The following ZFPM2 variants were observed in gnomAD, a reference collection of about 807,000 sequenced individuals.
ZFPM2 encodes zinc finger protein, FOG family member 2.
ZFPM2 carries 20 observed loss-of-function variants against 98.6 expected under a neutral mutation model. The observed-to-expected ratio is 0.20, with a 90% CI of 0.14 to 0.29. ZFPM2 has a LOEUF of 0.29. Among genes scored for constraint, ZFPM2 ranks in the 10% least tolerant of loss-of-function variants. The pLI is 1.00. For missense variants in ZFPM2, 1,310 were observed against 1,388.6 expected (o/e 0.94, Z 0.90); for synonymous variants, 518 against 502.7 (o/e 1.03, Z -0.41).
intron 5 of ZFPM2, among the ~76,000 whole-genome samples, chr8:105,665,946 C>G (rs1817480369): frequency 6.6e-6 from 1 of 152,054 alleles, no homozygotes; most frequent in South Asian, 2.1e-4. Flanking sequence ...CACAACAGAA[C>G]AATATGAACC....
intron 5 of ZFPM2, among the ~76,000 whole-genome samples, chr8:105,784,406 T>A (rs1431966311): frequency 7.5e-6 from 1 of 132,718 alleles, no homozygotes; most frequent in Non-Finnish European, 1.5e-5. Context: ...TCCAGTGAAG[T>A]GTAGACAGAT....
chr8:105,510,966 T>C (rs1179026663), intron 3 of ZFPM2, among the ~76,000 whole-genome samples: 1 of 152,230 alleles, frequency 6.6e-6, no homozygotes, highest in African/African-American at 2.4e-5. Flanking sequence ...AGTGCTTGGG[T>C]ATCTGTGGTC....
chr8:105,334,837 C>T (rs1195623557), intron 1 of ZFPM2, among the ~76,000 whole-genome samples: 1 of 151,442 alleles, frequency 6.6e-6, no homozygotes, highest in East Asian at 1.9e-4. Context: ...CTTTTTCGTA[C>T]CTTATTAAGG....
At chr8:105,506,008 A>T (rs1813691243) in intron 3 of ZFPM2, among the ~76,000 whole-genome samples, 1 of 152,206 alleles carries the variant, frequency 6.6e-6, no homozygotes, top group African/African-American at 2.4e-5. Flanking sequence ...ATGAAGAAGC[A>T]AAAACAGTGC....
At chr8:105,735,165 A>G (rs1020641242) in intron 5 of ZFPM2, among the ~76,000 whole-genome samples, 5 of 148,930 alleles carry the variant, frequency 3.4e-5, no homozygotes, top group African/African-American at 1.2e-4. Context: ...ATCTATATAG[A>G]TCTATATAGA....
chr8:105,400,213 T>A (rs1811310369), intron 1 of ZFPM2, among the ~76,000 whole-genome samples: 1 of 152,106 alleles, frequency 6.6e-6, no homozygotes, highest in African/African-American at 2.4e-5. Context: ...GTTATTATTT[T>A]GTGTTTAATT....
chr8:105,330,002 C>G (rs1177003666), intron 1 of ZFPM2, among the ~76,000 whole-genome samples: 1 of 151,572 alleles, frequency 6.6e-6, no homozygotes, highest in Non-Finnish European at 1.5e-5. Flanking sequence ...TTGTAGAACA[C>G]TTCTGAGTTT....
chr8:105,589,096 AC>A (rs1201470944), intron 4 of ZFPM2, among the ~76,000 whole-genome samples: 5 of 152,128 alleles, frequency 3.3e-5, no homozygotes, highest in Non-Finnish European at 7.4e-5. Flanking sequence ...GGTGAGAGAA[AC>A]CCTAGTAGTT....
At chr8:105,641,020 C>T (rs565389024) in intron 5 of ZFPM2, among the ~76,000 whole-genome samples, 8 of 152,016 alleles carry the variant, frequency 5.3e-5, no homozygotes, top group Non-Finnish European at 7.4e-5. Flanking sequence ...GTTAGCTAGT[C>T]GCAGAATTCC....
chr8:105,734,139 A>T (rs1251595878), intron 5 of ZFPM2, among the ~76,000 whole-genome samples: 1 of 151,824 alleles, frequency 6.6e-6, no homozygotes, highest in Non-Finnish European at 1.5e-5. Context: ...GCTTCCATAG[A>T]CTTGTGTTTA....
At chr8:105,453,266 A>G (rs982293535) in intron 3 of ZFPM2, among the ~76,000 whole-genome samples, 1 of 152,210 alleles carries the variant, frequency 6.6e-6, no homozygotes, top group Non-Finnish European at 1.5e-5. Context: ...CAGAGAGTGT[A>G]TGTTCTACCA....
At chr8:105,601,224 C>T (rs982325998) in intron 4 of ZFPM2, among the ~76,000 whole-genome samples, 1 of 152,050 alleles carries the variant, frequency 6.6e-6, no homozygotes, top group African/African-American at 2.4e-5. Flanking sequence ...CTAAGCATAA[C>T]CAAAAGATGT....
chr8:105,576,791 C>T (rs970396679), intron 4 of ZFPM2, among the ~76,000 whole-genome samples: 4 of 151,966 alleles, frequency 2.6e-5, no homozygotes, highest in African/African-American at 9.7e-5. Flanking sequence ...TTAGAATGGA[C>T]CCAAGCAAAA....
chr8:105,409,097 C>G (rs775614787), intron 1 of ZFPM2, among the ~76,000 whole-genome samples: 4 of 151,758 alleles, frequency 2.6e-5, no homozygotes, highest in Non-Finnish European at 4.4e-5. Flanking sequence ...AATTGATTAG[C>G]GAGCTTTGCC....
intron 3 of ZFPM2, among the ~76,000 whole-genome samples, chr8:105,537,385 A>G (rs1675452686): frequency 6.6e-6 from 1 of 152,148 alleles, no homozygotes; most frequent in South Asian, 2.1e-4. Flanking sequence ...TTGAAATCTT[A>G]TATCTTTTGT....
At chr8:105,698,486 A>G (rs1340256894) in intron 5 of ZFPM2, among the ~76,000 whole-genome samples, 2 of 152,200 alleles carry the variant, frequency 1.3e-5, no homozygotes, top group African/African-American at 2.4e-5. Flanking sequence ...TGTTCTCGTT[A>G]CTTCTTAGCA....
chr8:105,719,519 A>G (rs995271467), intron 5 of ZFPM2, among the ~76,000 whole-genome samples: 4 of 151,904 alleles, frequency 2.6e-5, no homozygotes, highest in Admixed American at 2.0e-4. Context: ...TCTTCCATGT[A>G]TAATTTGTCA....
At chr8:105,431,868 C>T (rs981114234) in intron 2 of ZFPM2, among the ~76,000 whole-genome samples, 3 of 144,420 alleles carry the variant, frequency 2.1e-5, no homozygotes, top group African/African-American at 8.0e-5. Flanking sequence ...CACAGTGAGC[C>T]GTGATAGTAC....
At position 105,405,507 on chromosome 8, in the gene ZFPM2, C is replaced by T. The variant is rs536731129; in HGVS notation, c.41-13637C>T. 7.4e-5 allele frequency among the ~76,000 whole-genome samples: 11 copies of T among 149,042 alleles called. No homozygotes were observed. The East Asian group carries it at 2.1e-3, about 28-fold the overall frequency. On this transcript the variant is annotated intron_variant, in intron 1 of 7. Coordinates refer to ENST00000407775, the MANE Select transcript of ZFPM2 (RefSeq NM_012082.4). ...ATGTGGTCTCATTGTTCAATTCCCA[C>T]CTGTGAGTGAGAACATGCAGTCTTT...
Sources: gnomAD v4.1 joint callset for allele counts (sites outside exome capture counted in the v4.1 genomes callset) on GRCh38, gnomAD v4.1.1 for gene constraint, MANE v1.5 for transcripts, NCBI Gene and HGNC (gene_info 2026-07-23, HGNC 2026-07-21) for gene names.